PLEKHJ1: variants seen among roughly 807,000 people sequenced by gnomAD.
PLEKHJ1 encodes pleckstrin homology domain containing J1.
A neutral mutation model predicts 21.7 loss-of-function variants in PLEKHJ1; 20 were observed. The observed-to-expected ratio is 0.92, with a 90% CI of 0.65 to 1.34. The LOEUF is 1.34. PLEKHJ1 is among the 40% of genes most tolerant of loss of function. The pLI is 0.00. For missense variants in PLEKHJ1, 241 were observed against 202.0 expected (o/e 1.19, Z -1.17); for synonymous variants, 113 against 80.6 (o/e 1.40, Z -2.15).
At chr19:2,236,077 G>A in intron 1 of PLEKHJ1, 78 bp downstream of exon 1, 1 of 1,422,538 alleles carries the variant, frequency 7.0e-7, no homozygotes, top group Non-Finnish European at 9.2e-7. Flanking sequence ...CCGGACTCCG[G>A]CCTCCGGCAC....
chr19:2,232,318 T>G, downstream of PLEKHJ1: 1 of 216,090 alleles, frequency 4.6e-6, no homozygotes, highest in East Asian at 6.8e-5. Context: ...GTCAGTCTGT[T>G]CAGTGGTCAG....
downstream of PLEKHJ1, chr19:2,231,320 C>T (rs2024588377): frequency 4.6e-6 from 1 of 216,866 alleles, no homozygotes; most frequent in East Asian, 6.7e-5. Context: ...CAGGGAGCTG[C>T]CAGCCCTGTG....
chr19:2,234,283 A>G, intron 3 of PLEKHJ1, 43 bp from the exon 4 acceptor site: 2 of 1,481,314 alleles, frequency 1.4e-6, no homozygotes, highest in East Asian at 2.3e-5. Context: ...CACAGCCACA[A>G]GCAGCTTCCT....
At chr19:2,233,974 G>A (rs376192627) in intron 5 of PLEKHJ1, 24 bp downstream of exon 5, 38 of 1,611,656 alleles carry the variant, frequency 2.4e-5, no homozygotes, top group Admixed American at 8.3e-5. Flanking sequence ...GCCCCACCCC[G>A]GCCCTCTGCA....
chr19:2,234,585 T>TA (rs2024734545), intron 3 of PLEKHJ1: 1 of 269,990 alleles, frequency 3.7e-6, no homozygotes, highest in African/African-American at 2.2e-5. Flanking sequence ...GGTGGGGCCT[T>TA]GTAGGCCCAG....
Position 2,235,977 on chromosome 19 carries a change from C to G in PLEKHJ1, c.108G>C (p.Arg36=). 6.2e-7 allele frequency: 1 copy of G among 1,610,536 alleles called. No individual in the cohort carries two copies. The highest frequency in any genetic ancestry group is 8.5e-7 in the Non-Finnish European group (1 of 1,179,072). Reference sequence around the variant, plus strand: ...GGAAATTCACCACCAGCTTCACCAGCCGCCGCTTCAGCACTGCGGGCACAG... The same window carrying G: ...GGAAATTCACCACCAGCTTCACCAGGCGCCGCTTCAGCACTGCGGGCACAG... The part of the protein sequence containing the change: ...GPKKGSVLKR[R]LVKLVVNFLF... Residue 36 remains arginine (R), a synonymous_variant, in exon 2 of 6, where the codon CGG becomes CGC. Transcript: ENST00000326631.
At chr19:2,230,496 G>T (rs887395949), downstream of PLEKHJ1, 4 of 398,984 alleles carry the variant, frequency 1.0e-5, no homozygotes, top group Non-Finnish European at 1.8e-5. Context: ...CGATGGTGCT[G>T]TGAGGACGGC....
At chr19:2,235,384 A>G (rs1037131274) in intron 3 of PLEKHJ1, 2 of 224,702 alleles carry the variant, frequency 8.9e-6, no homozygotes, top group Non-Finnish European at 1.7e-5. Context: ...CCCCCCTCTC[A>G]CTCCTCCTAC....
At chr19:2,232,402 T>C (rs2024645043), downstream of PLEKHJ1, 1 of 171,012 alleles carries the variant, frequency 5.8e-6, no homozygotes, top group South Asian at 2.3e-4. Context: ...ACGCTGCTGG[T>C]CTGTGTCAGC....
chr19:2,234,014 CG>C lies in PLEKHJ1; in HGVS notation c.367del (p.Arg123GlyfsTer3), dbSNP rs1568384085. 8.1e-6 allele frequency: 13 copies of C among 1,613,298 alleles called. No homozygotes were observed. The highest frequency in any genetic ancestry group is 1.0e-5 in the Non-Finnish European group (12 of 1,179,992). On this transcript the variant is annotated frameshift_variant, in exon 5 of 6. Transcript: ENST00000326631. LOFTEE classifies it high-confidence loss of function. ...TGCACACACCTTGCCCGTCACCTTCCGGATTTCGTTCCTGTAGAAGATGAGG... is the reference window on the plus strand; with the variant it reads ...TGCACACACCTTGCCCGTCACCTTCCGATTTCGTTCCTGTAGAAGATGAGG... Reference protein sequence around the residue: ...RSLIFYRNEIRKVTGKDPLEQ... With the variant: ...RSLIFYRNEIXKVTGKDPLEQ...
Position 2,235,812 on chromosome 19 carries a change from A to G in PLEKHJ1, c.179T>C (p.Leu60Pro). 6.4e-7 allele frequency: 1 copy of G among 1,552,948 alleles called. No individual in the cohort carries two copies. Among genetic ancestry groups the G allele is most frequent in the Non-Finnish European group, 8.7e-7 (1 of 1,148,560 alleles). ...TDEAEPVGAL[L>P]LERCRVVREE... ...CCGGACGACTCTGCAGCGCTCCAGC[A>G]GCAGGGCTCCGACGGGCTGGAGGAG... Residue 60 changes from leucine (L) to proline (P), a missense_variant, in exon 3 of 6, where the codon CTG (leucine) becomes CCG (proline). Leu to Pro is a moderately conservative substitution (Grantham distance 98). Coordinates refer to ENST00000326631, the MANE Select transcript of PLEKHJ1 (RefSeq NM_018049.3).
At position 2,233,788 on chromosome 19, in the gene PLEKHJ1, G is replaced by A. The variant is rs2024690860; in HGVS notation, c.*52C>T. On this transcript the variant is annotated 3_prime_UTR_variant, in exon 6 of 6. Transcript: ENST00000326631. ...TCCAGGCATGGCCAAGCGATTCATG[G>A]CTGGGCAGGGCCAGTCCCGTCCCGC... 3 of 1,508,414 alleles carry A rather than the reference G, an allele frequency of 2.0e-6. No homozygotes were observed. Among genetic ancestry groups the A allele is most frequent in the Admixed American group, 3.9e-5 (2 of 51,142 alleles). 93.4% of individuals were successfully genotyped at this position (1,508,414 alleles called of 1,614,324 possible).
downstream of PLEKHJ1, chr19:2,230,533 CT>C: frequency 2.5e-6 from 1 of 398,764 alleles, no homozygotes; most frequent in Non-Finnish European, 4.4e-6. Flanking sequence ...AGTGCATTTA[CT>C]TTTGTATTTC....
Position 2,236,269 on chromosome 19 carries a change from C to T in PLEKHJ1, c.-21G>A. The T allele has an allele frequency of 1.5e-6, 2 of 1,347,572 alleles. No individual in the cohort carries two copies. The highest frequency in any genetic ancestry group is 4.0e-5 in the Admixed American group (1 of 24,892). The allele number at this position is 1,347,572 out of a possible 1,614,324, so 83.5% of individuals were successfully genotyped here. On this transcript the variant is annotated 5_prime_UTR_variant, in exon 1 of 6. Coordinates refer to ENST00000326631, the MANE Select transcript of PLEKHJ1 (RefSeq NM_018049.3). Reference sequence around the variant, plus strand: ...CGCATGGCTCCGCGGGGAACGGGAACCCGGGCCGCGCCCTCCCGGCCGCCG... The same window carrying T: ...CGCATGGCTCCGCGGGGAACGGGAATCCGGGCCGCGCCCTCCCGGCCGCCG...
At position 2,235,823 on chromosome 19, in the gene PLEKHJ1, G is replaced by C. The variant is rs901467362; in HGVS notation, c.168C>G (p.Val56=). Residue 56 remains valine, a synonymous_variant, in exon 3 of 6, where the codon GTC becomes GTG. Transcript: ENST00000326631. ...TGCAGCGCTCCAGCAGCAGGGCTCC[G>C]ACGGGCTGGAGGAGACACGGGCGCC... is the stretch of plus-strand genomic sequence containing the variant. ...FYFRTDEAEP[V]GALLLERCRV... is the part of the protein sequence containing the mutation. 3 of 1,555,538 alleles carry C rather than the reference G, an allele frequency of 1.9e-6. No homozygotes were observed. Among genetic ancestry groups the C allele is most frequent in the Non-Finnish European group, 2.6e-6 (3 of 1,150,044 alleles).
chr19:2,234,117 A>C (rs1234809489), intron 4 of PLEKHJ1, 33 bp downstream of exon 4: 1 of 1,610,912 alleles, frequency 6.2e-7, no homozygotes, highest in Non-Finnish European at 8.5e-7. Context: ...TGCTGTGCCC[A>C]CCCCAGCAGT....
chr19:2,230,022 A>G, downstream of PLEKHJ1: 1 of 684,264 alleles, frequency 1.5e-6, no homozygotes, highest in South Asian at 2.0e-5. Flanking sequence ...AAGTATAAAC[A>G]ATTCTGACTT....
intron 3 of PLEKHJ1, chr19:2,235,470 T>G: frequency 2.2e-6 from 1 of 459,298 alleles, no homozygotes; most frequent in Non-Finnish European, 3.9e-6. Context: ...GGGGAAACGC[T>G]TTGGGTGGGG....
At chr19:2,232,731 C>CT (rs2024658059), downstream of PLEKHJ1, among the ~76,000 whole-genome samples, 1 of 152,174 alleles carries the variant, frequency 6.6e-6, no homozygotes. Context: ...CCAGGACACC[C>CT]TGGCCTTGGG....
Sources: gnomAD v4.1 joint callset for allele counts (sites outside exome capture counted in the v4.1 genomes callset) on GRCh38, gnomAD v4.1.1 for gene constraint, MANE v1.5 for transcripts, NCBI Gene and HGNC (gene_info 2026-07-23, HGNC 2026-07-21) for gene names.